The following PIGS variants were observed in gnomAD, a reference collection of about 807,000 sequenced individuals.
The protein encoded by PIGS is phosphatidylinositol glycan anchor biosynthesis class S, also known as GPI-anchor transamidase component PIGS.
A neutral mutation model predicts 58.2 loss-of-function variants in PIGS; 37 were observed. The observed-to-expected ratio is 0.64, with a 90% CI of 0.49 to 0.84. PIGS has a LOEUF of 0.84. Among genes scored for constraint, PIGS ranks in the 40% least tolerant of loss-of-function variants. The pLI is 0.00. For missense variants in PIGS, 629 were observed against 710.8 expected, an observed-to-expected ratio of 0.88 and a Z score of 1.31; for synonymous variants, 269 against 289.2, an observed-to-expected ratio of 0.93 and a Z score of 0.71.
intron 6 of PIGS, among the ~76,000 whole-genome samples, chr17:28,560,710 G>A (rs567020823): frequency 1.1e-3 from 173 of 152,218 alleles, no homozygotes; most frequent in African/African-American, 3.9e-3. Context: ...CCTGGGATGC[G>A]GAGGTTGCAG....
chr17:28,570,260 C>G (rs986072036), intron 3 of PIGS, among the ~76,000 whole-genome samples: 1 of 152,220 alleles, frequency 6.6e-6, no homozygotes, highest in African/African-American at 2.4e-5. Context: ...CCTGTAATCC[C>G]AACACTTTGG....
At chr17:28,562,162 C>G (rs1374264051) in intron 5 of PIGS, among the ~76,000 whole-genome samples, 1 of 152,084 alleles carries the variant, frequency 6.6e-6, no homozygotes, top group Non-Finnish European at 1.5e-5. Flanking sequence ...ATAAAAGTGG[C>G]AGAGGAACAT....
Position 28,553,952 on chromosome 17 carries a change from G to T in PIGS, c.*268C>A. ...CAGTCCTTGCCACAGAGGGAGACAG[G>T]CAGCAGCCTTATCAAACAAGATAAG... is the stretch of plus-strand genomic sequence containing the variant. On this transcript the variant is annotated 3_prime_UTR_variant, in exon 12 of 12. Transcript: ENST00000308360. 2.0e-6 allele frequency: 1 copy of T among 491,486 alleles called. No homozygotes were observed. Among genetic ancestry groups the T allele is most frequent in the Non-Finnish European group, 3.7e-6 (1 of 271,136 alleles). 30.4% of individuals were successfully genotyped at this position (491,486 alleles called of 1,614,324 possible). A position where few individuals can be genotyped will look rare whatever the true frequency, so the allele number is the denominator to read the frequency against.
chr17:28,564,876 C>G (rs993801469), intron 3 of PIGS, among the ~76,000 whole-genome samples: 1 of 151,960 alleles, frequency 6.6e-6, no homozygotes, highest in Non-Finnish European at 1.5e-5. Context: ...CAGACCTTGT[C>G]TCAAAAAAAT....
chr17:28,557,207 C>T (rs576974360), intron 8 of PIGS: 114 of 510,254 alleles, frequency 2.2e-4, no homozygotes, highest in Non-Finnish European at 3.4e-4. Context: ...ATTCTCCCTC[C>T]TCAAAGGCCC....
intron 3 of PIGS, among the ~76,000 whole-genome samples, chr17:28,567,262 T>G (rs1252442813): frequency 6.6e-6 from 1 of 152,168 alleles, no homozygotes; most frequent in East Asian, 1.9e-4. Context: ...CTACAATGTA[T>G]TCTCATCCAA....
intron 5 of PIGS, among the ~76,000 whole-genome samples, chr17:28,562,739 T>C (rs1315288488): frequency 2.1e-5 from 3 of 143,290 alleles, no homozygotes; most frequent in African/African-American, 7.9e-5. Context: ...CGGCCGATTC[T>C]TGTATTGTTA....
chr17:28,554,074 G>A lies in PIGS; in HGVS notation c.*146C>T. ...AGAAAAGATGAACCCATCTTGGAGT[G>A]TTGTACTTTGGTTGCTGGAGAGCCA... On this transcript the variant is annotated 3_prime_UTR_variant, in exon 12 of 12. Coordinates refer to ENST00000308360, the MANE Select transcript of PIGS (RefSeq NM_033198.4). 1 of 1,025,560 alleles carries A rather than the reference G, an allele frequency of 9.8e-7. No homozygotes were observed. Among genetic ancestry groups the A allele is most frequent in the Non-Finnish European group, 1.4e-6 (1 of 699,896 alleles). The allele number at this position is 1,025,560 out of a possible 1,614,324, so 63.5% of individuals were successfully genotyped here.
chr17:28,559,967 C>G (rs1167212837), intron 7 of PIGS, 82 bp downstream of exon 7: 2 of 1,489,502 alleles, frequency 1.3e-6, no homozygotes, highest in Non-Finnish European at 1.8e-6. Context: ...AATCAGCAAG[C>G]TCTAAGAGAT....
In PIGS at chr17:28,561,460, C is replaced by A. The variant is rs777175495; in HGVS notation, c.638G>T (p.Trp213Leu). Residue 213 changes from tryptophan to leucine, a missense_variant, in exon 6 of 12, where the codon TGG (tryptophan) becomes TTG (leucine). Physicochemically the swap from Trp to Leu is moderately conservative, Grantham distance 61 (BLOSUM62 -2). Transcript: ENST00000308360. ...ALADHLPEDK[W>L]SAEKRRPLKS... Reference sequence around the variant, plus strand: ...GAGAGGCCGCCTCTTCTCAGCGCTCCACTTGTCCTCTGGAAGGTGGTCAGC... The same window carrying A: ...GAGAGGCCGCCTCTTCTCAGCGCTCAACTTGTCCTCTGGAAGGTGGTCAGC... 1 of 1,614,050 alleles carries A rather than the reference C, an allele frequency of 6.2e-7. No homozygotes were observed. Among genetic ancestry groups the A allele is most frequent in the South Asian group, 1.1e-5 (1 of 91,066 alleles).
intron 5 of PIGS, among the ~76,000 whole-genome samples, chr17:28,562,122 C>T (rs143593886): frequency 6.6e-6 from 1 of 152,340 alleles, no homozygotes; most frequent in East Asian, 1.9e-4. Flanking sequence ...ATGATTCTCT[C>T]ACCAGGCTCT....
At chr17:28,554,746 G>T in intron 11 of PIGS, 105 bp downstream of exon 11, 1 of 1,452,428 alleles carries the variant, frequency 6.9e-7, no homozygotes, top group Non-Finnish European at 9.6e-7. Flanking sequence ...AAGATGGCAA[G>T]CCCACACATA....
At chr17:28,569,888 CA>C (rs1330840418) in intron 3 of PIGS, among the ~76,000 whole-genome samples, 2 of 152,202 alleles carry the variant, frequency 1.3e-5, no homozygotes, top group African/African-American at 4.8e-5. Flanking sequence ...ACACAGCGAG[CA>C]ACAACTATCA....
chr17:28,563,824 C>T lies in PIGS; in HGVS notation c.370G>A (p.Val124Met). The change falls in exon 4 of 12, where the codon GTG (valine) becomes ATG (methionine). Residue 124 changes from valine (V) to methionine (M), a missense_variant. Coordinates refer to ENST00000308360, the MANE Select transcript of PIGS (RefSeq NM_033198.4). ...HEEEALSSGS[V>M]QEAEAMLDEP... ...TGCTCATCCCTTCCCATACCTTGCA[C>T]ACTGCCCGATGACAGGGCCTCCTCC... The T allele has an allele frequency of 6.2e-7, 1 of 1,613,314 alleles. No individual in the cohort carries two copies. The highest frequency in any genetic ancestry group is 8.5e-7 in the Non-Finnish European group (1 of 1,179,234).
At chr17:28,569,584 ATTCCCAGTCT>A (rs1282507546) in intron 3 of PIGS, among the ~76,000 whole-genome samples, 1 of 152,150 alleles carries the variant, frequency 6.6e-6, no homozygotes, top group Non-Finnish European at 1.5e-5. Context: ...ATCTCCAGTC[ATTCCCAGTCT>A]TTCACTACAC....
chr17:28,553,675 C>CACA lies in PIGS; in HGVS notation c.*544_*545insTGT, dbSNP rs1491141693. The CACA allele has an allele frequency of 6.0e-6, 1 of 167,672 alleles. No individual in the cohort carries two copies. Among genetic ancestry groups the CACA allele is most frequent in the African/African-American group, 2.4e-5 (1 of 41,322 alleles). The allele number at this position is 167,672 out of a possible 1,614,324, so 10.4% of individuals were successfully genotyped here. On this transcript the variant is annotated 3_prime_UTR_variant, in exon 12 of 12. Coordinates refer to ENST00000308360, the MANE Select transcript of PIGS (RefSeq NM_033198.4). ...ACACACACACACACACACACACACACAGCACCATGTCCTGAGCTGCTGCCT... is the reference window on the plus strand; with the variant it reads ...ACACACACACACACACACACACACACACAAGCACCATGTCCTGAGCTGCTGCCT...
Position 28,558,515 on chromosome 17 carries a change from T to C in PIGS, c.895A>G (p.Ser299Gly), listed in dbSNP as rs764280410. 1 of 1,613,214 alleles carries C rather than the reference T, an allele frequency of 6.2e-7. No individual in the cohort carries two copies. Among genetic ancestry groups the C allele is most frequent in the Non-Finnish European group, 8.5e-7 (1 of 1,179,770 alleles). Residue 299 changes from serine to glycine, a missense_variant, in exon 8 of 12, where the codon AGC becomes GGC. Coordinates refer to ENST00000308360, the MANE Select transcript of PIGS (RefSeq NM_033198.4). ...ASSSYYLDMH[S>G]LPHVINPVES... ...ACTGGGTTGATGACATGGGGGAGGC[T>C]GTGCATGTCCAAATAGTAGCTGGAG...
intron 4 of PIGS, 85 bp from the exon 5 acceptor site, chr17:28,563,607 C>A: frequency 7.5e-7 from 1 of 1,337,912 alleles, no homozygotes; most frequent in African/African-American, 1.4e-5. Context: ...CCCACCCCTT[C>A]ACTCACATTC....
chr17:28,554,754 A>G, intron 11 of PIGS, 97 bp downstream of exon 11: 1 of 1,492,916 alleles, frequency 6.7e-7, no homozygotes, highest in Non-Finnish European at 9.3e-7. Context: ...AAGCCCACAC[A>G]TACCATGGAC....
Sources: allele counts gnomAD v4.1 joint callset (sites outside exome capture counted in the v4.1 genomes callset), GRCh38; gene constraint gnomAD v4.1.1; transcripts MANE v1.5; gene names NCBI Gene and HGNC (gene_info 2026-07-23, HGNC 2026-07-21).